CCDC9: variants seen among roughly 807,000 people sequenced by gnomAD.
The protein encoded by CCDC9 is coiled-coil domain-containing protein 9.
In CCDC9, 52 loss-of-function variants were observed where a neutral mutation model predicts 65.6. The observed-to-expected ratio is 0.79, with a 90% CI of 0.63 to 1.00. The LOEUF is 1.00. Among genes scored for constraint, CCDC9 ranks in the 50% least tolerant of loss-of-function variants. The pLI, the probability that CCDC9 is intolerant of heterozygous loss-of-function variation, is 0.00. For synonymous variants in CCDC9, 332 were observed against 280.3 expected (o/e 1.18, Z -1.84); for missense variants, 834 against 757.2 (o/e 1.10, Z -1.19).
At chr19:47,274,082 A>C, downstream of CCDC9, 1 of 682,566 alleles carries the variant, frequency 1.5e-6, no homozygotes, top group African/African-American at 1.9e-5. Flanking sequence ...TTTCTACCCC[A>C]GAGCCTAGTC....
At chr19:47,271,012 T>G (rs1034386850) in intron 10 of CCDC9, 70 bp from the exon 11 acceptor site, 6 of 1,139,444 alleles carry the variant, frequency 5.3e-6, no homozygotes, top group Non-Finnish European at 7.5e-6. Context: ...CTAGGGAGGG[T>G]GGAGGCAGGA....
intron 8 of CCDC9, among the ~76,000 whole-genome samples, chr19:47,267,750 T>C (rs931214537): frequency 1.3e-5 from 2 of 152,190 alleles, no homozygotes; most frequent in African/African-American, 4.8e-5. Context: ...ATGAAGGCTG[T>C]TTAACAGCGA....
At chr19:47,275,047 C>T (rs2059148686), downstream of CCDC9, 2 of 1,492,738 alleles carry the variant, frequency 1.3e-6, no homozygotes, top group African/African-American at 2.9e-5. Flanking sequence ...GTCTCGCTAG[C>T]TGCCGTGCTG....
rs2123445879 is a variant in CCDC9 at position 47,260,380 on chromosome 19, A to G, written c.168A>G (p.Arg56=). 1 of 1,605,830 alleles carries G rather than the reference A, an allele frequency of 6.2e-7. No homozygotes were observed. The highest frequency in any genetic ancestry group is 1.1e-5 in the South Asian group (1 of 89,664). The change falls in exon 4 of 12, where the codon CGA becomes CGG. Residue 56 remains arginine, a synonymous_variant. Transcript: ENST00000221922. ...AGGGAGTCGCAGTCACAGCTCCCCG[A>G]AAGGGCCGCTCAGTGGAGAAGGAGA... The part of the protein sequence containing the change: ...ELEGVAVTAP[R]KGRSVEKENV...
chr19:47,270,263 C>A (rs780568109), intron 8 of CCDC9, 144 bp from the exon 9 acceptor site: 1 of 765,178 alleles, frequency 1.3e-6, no homozygotes, highest in Non-Finnish European at 2.2e-6. Context: ...GCCACCATGC[C>A]CGGCCCTGTC....
downstream of CCDC9, chr19:47,274,516 GC>G (rs1216431996): frequency 1.2e-5 from 2 of 162,342 alleles, no homozygotes; most frequent in Non-Finnish European, 2.6e-5. Context: ...AGTGAGACTG[GC>G]TGCGGCACAG....
At chr19:47,261,094 C>T (rs186419698) in intron 5 of CCDC9, among the ~76,000 whole-genome samples, 2 of 152,174 alleles carry the variant, frequency 1.3e-5, no homozygotes, top group Admixed American at 1.3e-4. Context: ...CTCTCCTACT[C>T]CTGCTCCCCG....
intron 7 of CCDC9, among the ~76,000 whole-genome samples, chr19:47,266,027 G>T (rs2059080283): frequency 1.1e-5 from 1 of 94,458 alleles, no homozygotes; most frequent in Admixed American, 1.6e-4. Context: ...ACAGAGTCTT[G>T]CCCTGTTGCC....
At chr19:47,275,410 A>T (rs1600299250), downstream of CCDC9, 1 of 1,503,110 alleles carries the variant, frequency 6.7e-7, no homozygotes, top group East Asian at 2.8e-5. Flanking sequence ...CACGCCGAGG[A>T]TGCACCGTCT....
downstream of CCDC9, among the ~76,000 whole-genome samples, chr19:47,272,360 T>C (rs965133292): frequency 6.6e-6 from 1 of 151,916 alleles, no homozygotes; most frequent in Non-Finnish European, 1.5e-5. Context: ...GGCAACTTTA[T>C]GGGCCAAGCC....
In CCDC9 at chr19:47,266,808, G is replaced by C; in HGVS notation, c.902+16G>C. 3 of 1,594,860 alleles carry C rather than the reference G, an allele frequency of 1.9e-6. No homozygotes were observed. The highest frequency in any genetic ancestry group is 2.6e-6 in the Non-Finnish European group (3 of 1,171,094). On this transcript the variant is annotated intron_variant, in intron 8 of 11. Coordinates refer to ENST00000221922, the MANE Select transcript of CCDC9 (RefSeq NM_015603.3). ...CCGATGGGATGTGAGTCTCCTCCCC[G>C]CTCCTCTCCCCATGTGGCACGTTGA...
At chr19:47,264,467 C>A in intron 5 of CCDC9, 136 bp from the exon 6 acceptor site, 2 of 784,908 alleles carry the variant, frequency 2.5e-6, no homozygotes, top group Non-Finnish European at 4.2e-6. Context: ...ACCTGGAGCA[C>A]GCTGAGAGCA....
At chr19:47,275,500 G>A, downstream of CCDC9, 1 of 1,139,678 alleles carries the variant, frequency 8.8e-7, no homozygotes, top group Non-Finnish European at 1.2e-6. Context: ...GGGCCCAGGG[G>A]GTGTCAGCTC....
intron 1 of CCDC9, chr19:47,258,123 G>A: frequency 1.8e-6 from 1 of 546,226 alleles, no homozygotes; most frequent in Non-Finnish European, 3.3e-6. Context: ...TGGGAACTGG[G>A]TGAGTCCACA....
At chr19:47,262,509 G>T (rs1221553970) in intron 5 of CCDC9, among the ~76,000 whole-genome samples, 1 of 151,904 alleles carries the variant, frequency 6.6e-6, no homozygotes, top group Non-Finnish European at 1.5e-5. Context: ...GAGCTGCTGC[G>T]CCCGGCCTGG....
chr19:47,269,510 C>A (rs886181800), intron 8 of CCDC9, among the ~76,000 whole-genome samples: 1 of 152,018 alleles, frequency 6.6e-6, no homozygotes, highest in South Asian at 2.1e-4. Context: ...GCCACCAAGC[C>A]CGGCTAATTT....
chr19:47,275,246 G>A (rs551913386), downstream of CCDC9: 4 of 1,537,184 alleles, frequency 2.6e-6, no homozygotes, highest in African/African-American at 4.2e-5. Flanking sequence ...AGCTCCAGCT[G>A]CCGCTGAGCC....
rs1312769005 is a variant in CCDC9 at position 47,258,404 on chromosome 19, G to A, written c.3+1G>A. 6.2e-7 allele frequency: 1 copy of A among 1,613,958 alleles called. No homozygotes were observed. The highest frequency in any genetic ancestry group is 1.3e-5 in the African/African-American group (1 of 74,882). On this transcript the variant is annotated splice_donor_variant, in intron 2 of 11. Coordinates refer to ENST00000221922, the MANE Select transcript of CCDC9 (RefSeq NM_015603.3). LOFTEE classifies it high-confidence loss of function. Reference sequence around the variant, plus strand: ...TTGGCTCCACGCAGCCAGCGAAATGGTGAGGCTGAAAAATGGGGTCTCTAG... The same window carrying A: ...TTGGCTCCACGCAGCCAGCGAAATGATGAGGCTGAAAAATGGGGTCTCTAG...
downstream of CCDC9, chr19:47,272,052 G>C: frequency 8.1e-7 from 1 of 1,237,092 alleles, no homozygotes; most frequent in Non-Finnish European, 1.0e-6. Context: ...GGCTTGACTG[G>C]GGCTCCCCTT....
Sources: allele counts gnomAD v4.1 joint callset (sites outside exome capture counted in the v4.1 genomes callset), GRCh38; gene constraint gnomAD v4.1.1; transcripts MANE v1.5; gene names NCBI Gene and HGNC (gene_info 2026-07-23, HGNC 2026-07-21).